RNF130: variants seen among roughly 807,000 people sequenced by gnomAD.
RNF130 encodes E3 ubiquitin-protein ligase RNF130.
RNF130 carries 21 observed loss-of-function variants against 44.6 expected under a neutral mutation model. The observed-to-expected ratio is 0.47, with a 90% CI of 0.33 to 0.68. The LOEUF (loss-of-function observed/expected upper bound fraction) is 0.68, where lower values mean the gene tolerates loss of function less well. Among genes scored for constraint, RNF130 ranks in the 30% least tolerant of loss-of-function variants. The pLI, the probability that RNF130 is intolerant of heterozygous loss-of-function variation, is 0.02. For missense variants in RNF130, 479 were observed against 560.6 expected (o/e 0.85, Z 1.47); for synonymous variants, 214 against 210.4 (o/e 1.02, Z -0.15).
chr5:180,006,177 A>G (rs1194617622), intron 3 of RNF130, among the ~76,000 whole-genome samples: 3 of 152,176 alleles, frequency 2.0e-5, no homozygotes, highest in African/African-American at 7.2e-5. Flanking sequence ...AACATAATGA[A>G]CAAAATTCAC....
intron 3 of RNF130, among the ~76,000 whole-genome samples, chr5:179,993,961 A>G (rs1257775051): frequency 6.6e-6 from 1 of 152,200 alleles, no homozygotes; most frequent in African/African-American, 2.4e-5. Context: ...CAGTTTTCCC[A>G]GCGTCATTTC....
intron 7 of RNF130, among the ~76,000 whole-genome samples, chr5:179,942,863 T>C (rs1761984369): frequency 6.6e-6 from 1 of 152,176 alleles, no homozygotes; most frequent in South Asian, 2.1e-4. Flanking sequence ...CCTGTGGATA[T>C]AAGATAGGGC....
At chr5:180,043,942 T>C (rs913195261) in intron 1 of RNF130, among the ~76,000 whole-genome samples, 1 of 152,206 alleles carries the variant, frequency 6.6e-6, no homozygotes, top group Non-Finnish European at 1.5e-5. Flanking sequence ...AGGAACTTAA[T>C]ACTGTAGTAT....
chr5:180,020,983 T>G (rs1003929616), intron 2 of RNF130, among the ~76,000 whole-genome samples: 3 of 152,116 alleles, frequency 2.0e-5, no homozygotes, highest in Non-Finnish European at 4.4e-5. Flanking sequence ...CCTTAAAATC[T>G]AATTTTTTTT....
intron 1 of RNF130, among the ~76,000 whole-genome samples, chr5:180,066,727 C>A (rs1765115741): frequency 6.6e-6 from 1 of 152,062 alleles, no homozygotes; most frequent in Admixed American, 6.6e-5. Context: ...ATCCCAGCTA[C>A]TAGGGAGGCT....
chr5:180,027,009 G>A (rs1041345506), intron 2 of RNF130, among the ~76,000 whole-genome samples: 1 of 152,194 alleles, frequency 6.6e-6, no homozygotes, highest in African/African-American at 2.4e-5. Flanking sequence ...CTCAGTAAGG[G>A]CAATGATCCG....
chr5:180,068,502 G>C (rs1365497051), intron 1 of RNF130, among the ~76,000 whole-genome samples: 1 of 152,140 alleles, frequency 6.6e-6, no homozygotes, highest in Admixed American at 6.5e-5. Flanking sequence ...TTGTTTATAA[G>C]ATATCTCATA....
At chr5:179,927,888 C>G (rs1386875918) in intron 7 of RNF130, among the ~76,000 whole-genome samples, 1 of 152,078 alleles carries the variant, frequency 6.6e-6, no homozygotes, top group African/African-American at 2.4e-5. Context: ...CCATGCCCGG[C>G]CTAGCTTTGT....
At chr5:180,042,091 T>C (rs1378836499) in intron 1 of RNF130, among the ~76,000 whole-genome samples, 2 of 152,130 alleles carry the variant, frequency 1.3e-5, no homozygotes, top group African/African-American at 4.8e-5. Context: ...GATAAAGAGA[T>C]GACGCCAGTG....
intron 7 of RNF130, among the ~76,000 whole-genome samples, chr5:179,931,072 T>A (rs530803858): frequency 4.5e-4 from 68 of 151,110 alleles, no homozygotes; most frequent in Non-Finnish European, 8.3e-4. Flanking sequence ...GAATAGGTGT[T>A]GAATTTTAGC....
At chr5:179,929,151 A>C (rs755062413) in intron 7 of RNF130, among the ~76,000 whole-genome samples, 1 of 152,174 alleles carries the variant, frequency 6.6e-6, no homozygotes, top group Non-Finnish European at 1.5e-5. Flanking sequence ...TATAGTGTGA[A>C]GTAGGAATTA....
chr5:179,983,139 G>A (rs755600128), intron 3 of RNF130, among the ~76,000 whole-genome samples: 3 of 152,016 alleles, frequency 2.0e-5, no homozygotes, highest in Non-Finnish European at 4.4e-5. Flanking sequence ...CTCACTTTAT[G>A]GCAGTTTTTA....
intron 3 of RNF130, among the ~76,000 whole-genome samples, chr5:179,998,597 C>G (rs1386044648): frequency 6.6e-6 from 1 of 152,064 alleles, no homozygotes. Context: ...CTGTGCCTAG[C>G]TGATATCAAA....
At chr5:179,917,322 C>T (rs1414082139) in exon 8 of RNF130, 3 of 152,556 alleles carry the variant, frequency 2.0e-5, no homozygotes, top group Admixed American at 6.5e-5. Context: ...TCTCCTCACC[C>T]GGGCACAGGC....
chr5:179,916,945 A>C (rs1235033425), exon 8 of RNF130: 1 of 152,680 alleles, frequency 6.5e-6, no homozygotes, highest in Non-Finnish European at 1.5e-5. Flanking sequence ...TAATCCCAGC[A>C]CTTTGGGAGG....
chr5:180,057,273 G>A (rs1285068742), intron 1 of RNF130, among the ~76,000 whole-genome samples: 1 of 152,220 alleles, frequency 6.6e-6, no homozygotes, highest in Non-Finnish European at 1.5e-5. Context: ...GTCGGGGTGG[G>A]CACAGTGGCT....
chr5:179,937,547 G>A (rs1761909246), intron 7 of RNF130, among the ~76,000 whole-genome samples: 1 of 152,108 alleles, frequency 6.6e-6, no homozygotes, highest in Admixed American at 6.6e-5. Flanking sequence ...AAAAGGAGGG[G>A]GGATAACAAG....
intron 4 of RNF130, among the ~76,000 whole-genome samples, 177 bp downstream of exon 4, chr5:179,979,952 T>C (rs544912090): frequency 1.3e-5 from 2 of 152,314 alleles, no homozygotes; most frequent in East Asian, 1.9e-4. Context: ...GAAACCTCTG[T>C]AGGAAAACAC....
chr5:180,064,208 CA>C (rs1765047112), intron 1 of RNF130, among the ~76,000 whole-genome samples: 1 of 152,126 alleles, frequency 6.6e-6, no homozygotes, highest in African/African-American at 2.4e-5. Flanking sequence ...AGTTTGTGCA[CA>C]ATCTCAAATT....
Sources: gnomAD v4.1 joint callset for allele counts (sites outside exome capture counted in the v4.1 genomes callset) on GRCh38, gnomAD v4.1.1 for gene constraint, MANE v1.5 for transcripts, NCBI Gene and HGNC (gene_info 2026-07-23, HGNC 2026-07-21) for gene names.